SLC22A25: variants seen among roughly 807,000 people sequenced by gnomAD.
SLC22A25 encodes MGI:2442751, MGI:2385316, MGI:3042283, MGI:3645714, MGI:3605624, MGI:2442750.
SLC22A25 carries 44 observed loss-of-function variants against 45.9 expected under a neutral mutation model. That is an observed-to-expected ratio of 0.96 (90% CI 0.75 to 1.23). The LOEUF (loss-of-function observed/expected upper bound fraction) is 1.23, where lower values mean the gene tolerates loss of function less well. SLC22A25 is among the 50% of genes most tolerant of loss of function. SLC22A25 has a pLI of 0.00. For synonymous variants in SLC22A25, 283 were observed against 238.6 expected (o/e 1.19, Z -1.72); for missense variants, 800 against 666.4 (o/e 1.20, Z -2.21).
chr11:63,174,849 T>C (rs1015957739), intron 9 of SLC22A25, among the ~76,000 whole-genome samples: 2 of 152,144 alleles, frequency 1.3e-5, no homozygotes, highest in African/African-American at 4.8e-5. Flanking sequence ...TTCTATAAAT[T>C]TGATTATTTT....
At chr11:63,177,246 T>C (rs1376559288) in intron 9 of SLC22A25, among the ~76,000 whole-genome samples, 1 of 152,028 alleles carries the variant, frequency 6.6e-6, no homozygotes. Flanking sequence ...ACATGATAAT[T>C]ATACATATTT....
chr11:63,212,367 C>T (rs1341957471), intron 7 of SLC22A25, among the ~76,000 whole-genome samples: 2 of 152,216 alleles, frequency 1.3e-5, no homozygotes, highest in South Asian at 4.1e-4. Flanking sequence ...CACACGCACA[C>T]GTATGTTTAT....
Position 63,163,787 on chromosome 11 carries a change from T to C in SLC22A25, c.*37A>G, listed in dbSNP as rs1565054924. 6.4e-7 allele frequency: 1 copy of C among 1,571,410 alleles called. No individual in the cohort carries two copies. Among genetic ancestry groups the C allele is most frequent in the African/African-American group, 1.4e-5 (1 of 73,614 alleles). ...AGATCTAAGCCTTTTTGGGGGATGG[T>C]AGCCCTAAATGGTGTTTTGCTTTCC... is the stretch of plus-strand genomic sequence containing the variant. On this transcript the variant is annotated 3_prime_UTR_variant, in exon 12 of 12. Transcript: ENST00000306494.
intron 7 of SLC22A25, among the ~76,000 whole-genome samples, chr11:63,200,163 G>A (rs1997038): frequency 0.49 from 74,115 of 151,230 alleles, 19,089 homozygotes; most frequent in Non-Finnish European, 0.57. Flanking sequence ...TATGAGGGCA[G>A]CATCATCCTG....
In SLC22A25 at chr11:63,243,566, G is replaced by C. The variant is rs563305057; in HGVS notation, c.-1128C>G. The C allele has an allele frequency of 1.3e-6, 1 of 762,592 alleles. No homozygotes were observed. Among genetic ancestry groups the C allele is most frequent in the Non-Finnish European group, 2.4e-6 (1 of 408,582 alleles). 47.2% of individuals were successfully genotyped at this position (762,592 alleles called of 1,614,324 possible). A position where few individuals can be genotyped will look rare whatever the true frequency, so the allele number is the denominator to read the frequency against. ...TGCCAAAAAGCTGTGCATTTATACC[G>C]ACAACTCCATCAAGCCTCAGGAGCT... On this transcript the variant is annotated 5_prime_UTR_variant, in exon 1 of 12. Transcript: ENST00000306494.
chr11:63,206,844 C>G (rs1228792944), intron 7 of SLC22A25, among the ~76,000 whole-genome samples: 5 of 152,190 alleles, frequency 3.3e-5, no homozygotes, highest in African/African-American at 9.7e-5. Flanking sequence ...GCAAAAAGAA[C>G]AAAGCTGGAG....
At chr11:63,188,204 T>A (rs1230980722) in intron 7 of SLC22A25, among the ~76,000 whole-genome samples, 3 of 152,216 alleles carry the variant, frequency 2.0e-5, no homozygotes, top group Non-Finnish European at 1.5e-5. Flanking sequence ...AAGCTATTGA[T>A]TATTGCCTTA....
chr11:63,207,483 ACATTTATGCAGC>A (rs1223285255), intron 7 of SLC22A25, among the ~76,000 whole-genome samples: 2 of 152,228 alleles, frequency 1.3e-5, no homozygotes, highest in African/African-American at 4.8e-5. Context: ...TCAAAATAAG[ACATTTATGCAGC>A]CAACAAACAT....
rs1424005235 is a variant in SLC22A25 at position 63,181,087 on chromosome 11, A to T, written c.955-312T>A. Among the ~76,000 whole-genome samples the T allele has an allele frequency of 3.0e-4, 46 of 152,098 alleles. 1 individual carries two copies. Among genetic ancestry groups the T allele is most frequent in the Non-Finnish European group, 1.5e-5 (1 of 68,012 alleles). ...GGGAAAAAAATGAAGAGTTACTTGGATTAAACTCCAAAGCTCCATTTATAC... is the reference window on the plus strand; with the variant it reads ...GGGAAAAAAATGAAGAGTTACTTGGTTTAAACTCCAAAGCTCCATTTATAC... On this transcript the variant is annotated intron_variant, in intron 8 of 11. Coordinates refer to ENST00000306494, the MANE Select transcript of SLC22A25 (RefSeq NM_199352.6).
intron 7 of SLC22A25, among the ~76,000 whole-genome samples, chr11:63,212,028 A>G (rs1220239835): frequency 6.6e-6 from 1 of 152,236 alleles, no homozygotes; most frequent in Non-Finnish European, 1.5e-5. Flanking sequence ...GACACTTCTC[A>G]AAAGAAGACA....
intron 3 of SLC22A25, among the ~76,000 whole-genome samples, chr11:63,237,098 C>T (rs1335863438): frequency 6.6e-6 from 1 of 152,068 alleles, no homozygotes; most frequent in Non-Finnish European, 1.5e-5. Flanking sequence ...GAACAGAAAA[C>T]CAAATATTGC....
At chr11:63,193,496 C>T (rs1057270628) in intron 7 of SLC22A25, among the ~76,000 whole-genome samples, 1 of 152,248 alleles carries the variant, frequency 6.6e-6, no homozygotes, top group African/African-American at 2.4e-5. Context: ...TCTGCAGCCT[C>T]TGCTGGTGAC....
At chr11:63,164,783 T>TG in intron 10 of SLC22A25, 149 bp from the exon 11 acceptor site, 1 of 634,504 alleles carries the variant, frequency 1.6e-6, no homozygotes, top group Non-Finnish European at 2.8e-6. Context: ...GAATGTGCAG[T>TG]GGCTAATAGC....
chr11:63,192,460 G>A (rs1196548539), intron 7 of SLC22A25, among the ~76,000 whole-genome samples: 1 of 152,108 alleles, frequency 6.6e-6, no homozygotes, highest in Non-Finnish European at 1.5e-5. Context: ...TTAGCATCAT[G>A]ATGACAGGAT....
intron 7 of SLC22A25, among the ~76,000 whole-genome samples, chr11:63,199,552 C>T (rs1323966370): frequency 1.3e-5 from 2 of 152,110 alleles, no homozygotes; most frequent in Admixed American, 6.6e-5. Context: ...CTCCCCCTCC[C>T]GCCTCCCTCC....
At chr11:63,202,410 T>A (rs938047448) in intron 7 of SLC22A25, among the ~76,000 whole-genome samples, 2 of 152,152 alleles carry the variant, frequency 1.3e-5, no homozygotes, top group African/African-American at 4.8e-5. Context: ...TGGCTTGAAA[T>A]TCTCACTGCC....
At position 63,180,741 on chromosome 11, in the gene SLC22A25, G is replaced by A; in HGVS notation, c.989C>T (p.Ala330Val). The A allele has an allele frequency of 1.2e-6, 2 of 1,613,140 alleles. No homozygotes were observed. Among genetic ancestry groups the A allele is most frequent in the East Asian group, 2.2e-5 (1 of 44,782 alleles). ...LKSTMKQELE[A>V]AQKKHSLCEL... ...ACAAAGAGAATGCTTTTTCTGTGCT[G>A]CCTCCAGTTCTTGCTTCATGGTGGA... The change falls in exon 9 of 12, where the codon GCA becomes GTA. Residue 330 changes from alanine (A) to valine (V), a missense_variant. Ala to Val is a moderately conservative substitution (Grantham distance 64). Coordinates refer to ENST00000306494, the MANE Select transcript of SLC22A25 (RefSeq NM_199352.6).
intron 1 of SLC22A25, among the ~76,000 whole-genome samples, chr11:63,241,992 C>T (rs2090256373): frequency 6.6e-6 from 1 of 152,158 alleles, no homozygotes; most frequent in Admixed American, 6.5e-5. Context: ...AATGTCATTA[C>T]CTCTCAGCAG....
chr11:63,224,022 T>A (rs1314965141), intron 5 of SLC22A25, among the ~76,000 whole-genome samples: 1 of 152,128 alleles, frequency 6.6e-6, no homozygotes, highest in Non-Finnish European at 1.5e-5. Flanking sequence ...TGATTTTCTG[T>A]CTGGAAGATC....
Sources: gnomAD v4.1 joint callset for allele counts (sites outside exome capture counted in the v4.1 genomes callset) on GRCh38, gnomAD v4.1.1 for gene constraint, MANE v1.5 for transcripts, NCBI Gene and HGNC (gene_info 2026-07-23, HGNC 2026-07-21) for gene names.